Variants in GMEB2 observed in about 807,000 individuals in gnomAD.
GMEB2 encodes glucocorticoid modulatory element binding protein 2.
A neutral mutation model predicts 45.7 loss-of-function variants in GMEB2; 7 were observed. The ratio of observed to expected loss-of-function variants is 0.15; its 90% CI spans 0.09 to 0.29. GMEB2 has a LOEUF of 0.29. Ranked by LOEUF, GMEB2 falls within the 10% of genes least tolerant of loss-of-function variation. GMEB2 has a pLI of 1.00. For missense variants in GMEB2, 582 were observed against 739.2 expected (o/e 0.79, Z 2.47); for synonymous variants, 322 against 323.6 (o/e 1.00, Z 0.05).
intron 9 of GMEB2, among the ~76,000 whole-genome samples, chr20:63,591,224 ACAC>A (rs2083144302): frequency 1.4e-5 from 1 of 73,076 alleles, no homozygotes; most frequent in East Asian, 4.4e-3. Flanking sequence ...AACAGTGAAC[ACAC>A]AAAGTGAAGA....
chr20:63,602,421 G>A (rs942030377), intron 4 of GMEB2, among the ~76,000 whole-genome samples: 1 of 152,224 alleles, frequency 6.6e-6, no homozygotes, highest in East Asian at 1.9e-4. Context: ...GCAAGGCTGG[G>A]AAAACCAAGC....
chr20:63,589,648 G>A lies in GMEB2; in HGVS notation c.*441C>T, dbSNP rs1404035946. 6 of 174,316 alleles carry A rather than the reference G, an allele frequency of 3.4e-5. No homozygotes were observed. Among genetic ancestry groups the A allele is most frequent in the East Asian group, 3.0e-4 (2 of 6,694 alleles). The allele number at this position is 174,316 out of a possible 1,614,324, so 10.8% of individuals were successfully genotyped here. On this transcript the variant is annotated 3_prime_UTR_variant, in exon 10 of 10. Transcript: ENST00000370077. ...AGCTCCCAAGTCATGAGTTAGTAACGTCCCCAGGGACCTGGCTGGGTGCAG... is the reference window on the plus strand; with the variant it reads ...AGCTCCCAAGTCATGAGTTAGTAACATCCCCAGGGACCTGGCTGGGTGCAG...
intron 5 of GMEB2, among the ~76,000 whole-genome samples, chr20:63,596,721 T>C (rs2083203132): frequency 6.6e-6 from 1 of 152,190 alleles, no homozygotes. Flanking sequence ...GGCTTATGAT[T>C]CACAGATAAG....
At chr20:63,599,866 A>G (rs2083229051) in intron 4 of GMEB2, among the ~76,000 whole-genome samples, 1 of 152,162 alleles carries the variant, frequency 6.6e-6, no homozygotes, top group Non-Finnish European at 1.5e-5. Context: ...CTGAGAGTGA[A>G]GCAGAGACGT....
At chr20:63,602,022 GGCCTGTGGCTTCTGTGCA>G (rs1377292510) in intron 4 of GMEB2, among the ~76,000 whole-genome samples, 1 of 151,750 alleles carries the variant, frequency 6.6e-6, no homozygotes, top group East Asian at 1.9e-4. Flanking sequence ...GCTTCTGTGG[GGCCTGTGGCTTCTGTGCA>G]GCCTGTGGCT....
intron 1 of GMEB2, among the ~76,000 whole-genome samples, chr20:63,626,275 C>CGT (rs1164145879): frequency 4.5e-3 from 118 of 26,058 alleles, no homozygotes; most frequent in Non-Finnish European, 0.017. Context: ...TGCCGGGTGG[C>CGT]CCCTGCGGGT....
chr20:63,614,327 G>A (rs2089592312), intron 2 of GMEB2, among the ~76,000 whole-genome samples: 1 of 152,162 alleles, frequency 6.6e-6, no homozygotes, highest in African/African-American at 2.4e-5. Context: ...AGGAGCTGAG[G>A]GGACATAGTG....
rs2083153802 is a variant in GMEB2, at chr20:63,592,262, T to C, written c.830-118A>G. On this transcript the variant is annotated intron_variant, in intron 8 of 9. Coordinates refer to ENST00000370077, the MANE Select transcript of GMEB2 (RefSeq NM_012384.5). The surrounding 1 kb of genome is among the most constrained non-coding windows in gnomAD (Gnocchi z 8.2). ...GTCACGTGGACGCTCGGTGAGAGCC[T>C]GGGCTCTTCCTAGAGAGTGAGAACA... The C allele has an allele frequency of 2.1e-6, 2 of 970,548 alleles. No individual in the cohort carries two copies. The highest frequency in any genetic ancestry group is 3.1e-6 in the Non-Finnish European group (2 of 653,134). The allele number at this position is 970,548 out of a possible 1,614,324, so 60.1% of individuals were successfully genotyped here. A position where few individuals can be genotyped will look rare whatever the true frequency, so the allele number is the denominator to read the frequency against.
intron 9 of GMEB2, 24 bp downstream of exon 9, chr20:63,591,998 G>C (rs1442053964): frequency 5.6e-6 from 9 of 1,592,932 alleles, no homozygotes; most frequent in Non-Finnish European, 7.7e-6. Context: ...CCCAGGGGAC[G>C]GGACGGGGGT....
intron 2 of GMEB2, among the ~76,000 whole-genome samples, chr20:63,612,368 AG>A (rs1339722442): frequency 6.6e-6 from 1 of 152,116 alleles, no homozygotes; most frequent in East Asian, 1.9e-4. Context: ...CACGCTCAGT[AG>A]GGGAGGGGAA....
chr20:63,607,053 A>T (rs1459978363), intron 2 of GMEB2, among the ~76,000 whole-genome samples: 1 of 151,838 alleles, frequency 6.6e-6, no homozygotes, highest in African/African-American at 2.4e-5. Context: ...ATTTCTAGAA[A>T]CATGCCCCTC....
At position 63,590,465 on chromosome 20, in the gene GMEB2, G is replaced by A; in HGVS notation, c.1217C>T (p.Pro406Leu). Residue 406 changes from proline (P) to leucine (L), a missense_variant, in exon 10 of 10, where the codon CCG (proline) becomes CTG (leucine). By Grantham distance (98) the Pro-to-Leu change is moderately conservative. Transcript: ENST00000370077. Reference protein sequence around the residue: ...VPLGKVVSTLPSTVLGKGSLQ... With the variant: ...VPLGKVVSTLLSTVLGKGSLQ... The stretch of plus-strand genomic sequence containing the variant: ...GGAACCCTTGCCCAGGACGGTGGAC[G>A]GCAGGGTGGACACCACTTTACCAAG... 2 of 1,513,550 alleles carry A rather than the reference G, an allele frequency of 1.3e-6. No individual in the cohort carries two copies. Among genetic ancestry groups the A allele is most frequent in the Non-Finnish European group, 1.8e-6 (2 of 1,124,994 alleles). The allele number at this position is 1,513,550 out of a possible 1,614,324, so 93.8% of individuals were successfully genotyped here.
At chr20:63,602,567 G>T (rs892821689) in intron 4 of GMEB2, among the ~76,000 whole-genome samples, 1 of 152,214 alleles carries the variant, frequency 6.6e-6, no homozygotes, top group African/African-American at 2.4e-5. Flanking sequence ...GATGCTTTAT[G>T]GAAATGTCTT....
chr20:63,619,524 G>C lies in GMEB2; in HGVS notation c.-57-70C>G, dbSNP rs868768602. 6 of 927,732 alleles carry C rather than the reference G, an allele frequency of 6.5e-6. No individual in the cohort carries two copies. The Admixed American group carries it at 7.9e-5, about 12-fold the overall frequency. The allele number at this position is 927,732 out of a possible 1,614,324, so 57.5% of individuals were successfully genotyped here. Reference sequence around the variant, plus strand: ...TCCACACAACATAGCACTCACAAAGGCATCTCTAATCAGCTCCAAAGACCC... The same window carrying C: ...TCCACACAACATAGCACTCACAAAGCCATCTCTAATCAGCTCCAAAGACCC... On this transcript the variant is annotated intron_variant, in intron 1 of 9. Coordinates refer to ENST00000370077, the MANE Select transcript of GMEB2 (RefSeq NM_012384.5). The surrounding 1 kb of genome is among the most constrained non-coding windows in gnomAD (Gnocchi z 4.6).
intron 1 of GMEB2, among the ~76,000 whole-genome samples, chr20:63,624,850 G>A (rs2089660465): frequency 6.6e-6 from 1 of 151,984 alleles, no homozygotes; most frequent in African/African-American, 2.4e-5. Flanking sequence ...TGGGATTACA[G>A]GCGCCCACCA....
Position 63,589,541 on chromosome 20 carries a change from G to A in GMEB2, c.*548C>T, listed in dbSNP as rs545211589. 4.5e-5 allele frequency: 10 copies of A among 222,382 alleles called. No homozygotes were observed. The South Asian group carries it at 1.5e-3, about 33-fold the overall frequency. 13.8% of individuals were successfully genotyped at this position (222,382 alleles called of 1,614,324 possible). Reference sequence around the variant, plus strand: ...TGCATGTTCCCAACTGGAGGAGAACGGGGCGCCAGCCACACTAAACCTACA... The same window carrying A: ...TGCATGTTCCCAACTGGAGGAGAACAGGGCGCCAGCCACACTAAACCTACA... On this transcript the variant is annotated 3_prime_UTR_variant, in exon 10 of 10. Transcript: ENST00000370077.
chr20:63,590,683 C>A lies in GMEB2; in HGVS notation c.999G>T (p.Leu333=). Residue 333 remains leucine, a synonymous_variant, in exon 10 of 10, where the codon CTG becomes CTT. Coordinates refer to ENST00000370077, the MANE Select transcript of GMEB2 (RefSeq NM_012384.5). ...TGCTGAGGTGCTGGGACTTGTGCTTCAGCTCCTTGGCTCGGCGACGATGCT... is the reference window on the plus strand; with the variant it reads ...TGCTGAGGTGCTGGGACTTGTGCTTAAGCTCCTTGGCTCGGCGACGATGCT... ...CDEHRRRAKE[L]KHKSQHLSNV... is the part of the protein sequence containing the mutation. The A allele has an allele frequency of 6.5e-7, 1 of 1,534,100 alleles. No individual in the cohort carries two copies.
intron 1 of GMEB2, among the ~76,000 whole-genome samples, chr20:63,624,909 T>G (rs572139692): frequency 1.2e-3 from 188 of 152,124 alleles, no homozygotes; most frequent in African/African-American, 4.4e-3. Flanking sequence ...GGTTTCACCA[T>G]GTTGGCCAGG....
chr20:63,592,527 T>G lies in GMEB2; in HGVS notation c.829+6A>C. 1 of 1,606,416 alleles carries G rather than the reference T, an allele frequency of 6.2e-7. No individual in the cohort carries two copies. The highest frequency in any genetic ancestry group is 1.1e-5 in the South Asian group (1 of 90,960). On this transcript the variant is annotated splice_donor_region_variant and intron_variant, in intron 8 of 9. Coordinates refer to ENST00000370077, the MANE Select transcript of GMEB2 (RefSeq NM_012384.5). The surrounding 1 kb of genome is among the most constrained non-coding windows in gnomAD (Gnocchi z 8.2). ...AGCCAGCAAGAGGGAAGATGCAGCT[T>G]CTCACCTCGAAGCTGCAGGGGAGGG...
Sources: gnomAD v4.1 joint callset for allele counts (sites outside exome capture counted in the v4.1 genomes callset) on GRCh38, gnomAD v4.1.1 for gene constraint, Gnocchi (gnomAD v3.1) non-coding constraint, MANE v1.5 for transcripts, NCBI Gene and HGNC (gene_info 2026-07-23, HGNC 2026-07-21) for gene names.